The following TCF7L2 variants were observed in gnomAD, a reference collection of about 807,000 sequenced individuals.
TCF7L2 encodes the protein transcription factor 7 like 2.
In TCF7L2, 23 loss-of-function variants were observed where a neutral mutation model predicts 77.9. That is an observed-to-expected ratio of 0.30 (90% CI 0.21 to 0.42). The LOEUF (loss-of-function observed/expected upper bound fraction) is 0.42, where lower values mean the gene tolerates loss of function less well. Among genes scored for constraint, TCF7L2 ranks in the 10% least tolerant of loss-of-function variants. The probability of loss-of-function intolerance (pLI) is 1.00; values close to 1 mark genes in which losing one functional copy is unlikely to be tolerated. For synonymous variants in TCF7L2, 413 were observed against 340.2 expected, an observed-to-expected ratio of 1.21 and a Z score of -2.36; for missense variants, 654 against 793.1, an observed-to-expected ratio of 0.82 and a Z score of 2.11.
chr10:113,131,623 T>C (rs1162562410), intron 5 of TCF7L2, among the ~76,000 whole-genome samples: 1 of 152,184 alleles, frequency 6.6e-6, no homozygotes, highest in Non-Finnish European at 1.5e-5. Context: ...AAAACGTAAA[T>C]TCCCGACTCC....
intron 5 of TCF7L2, among the ~76,000 whole-genome samples, chr10:113,043,996 A>G (rs2052962878): frequency 6.6e-6 from 1 of 152,200 alleles, no homozygotes; most frequent in Admixed American, 6.5e-5. Context: ...TATGTATCTT[A>G]CAAAACGGCA....
chr10:113,126,590 TG>T lies in TCF7L2; in HGVS notation c.553-14593del, dbSNP rs1054433177. The T allele has an allele frequency of 4.1e-6, 4 of 984,974 alleles. No individual in the cohort carries two copies. In the African/African-American group the frequency reaches 7.0e-5, roughly 17 times the overall value. The allele number at this position is 984,974 out of a possible 1,614,324, so 61.0% of individuals were successfully genotyped here. A position where few individuals can be genotyped will look rare whatever the true frequency, so the allele number is the denominator to read the frequency against. ...TTTTTTTTAAACGCCCCCTCCCTTT[TG>T]TGGGGGGGTGGGTTGTTGTGGAATC... On this transcript the variant is annotated intron_variant, in intron 5 of 13. Coordinates refer to ENST00000627217, the MANE Select transcript of TCF7L2 (RefSeq NM_001146274.2).
intron 4 of TCF7L2, among the ~76,000 whole-genome samples, chr10:112,981,568 T>C (rs2040476007): frequency 6.6e-6 from 1 of 152,156 alleles, no homozygotes; most frequent in South Asian, 2.1e-4. Flanking sequence ...CCACCCTCTT[T>C]GGAATTTTTG....
rs1592551565 is a variant in TCF7L2, at chr10:113,165,685, A to G, written c.1522A>G (p.Lys508Glu). 1 of 1,456,830 alleles carries G rather than the reference A, an allele frequency of 6.9e-7. No individual in the cohort carries two copies. Among genetic ancestry groups the G allele is most frequent in the Non-Finnish European group, 9.1e-7 (1 of 1,095,960 alleles). 90.2% of individuals were successfully genotyped at this position (1,456,830 alleles called of 1,614,324 possible). A position where few individuals can be genotyped will look rare whatever the true frequency, so the allele number is the denominator to read the frequency against. Residue 508 changes from lysine (K) to glutamate (E), a missense_variant, in exon 14 of 14, where the codon AAG becomes GAG. Coordinates refer to ENST00000627217, the MANE Select transcript of TCF7L2 (RefSeq NM_001146274.2). ...GCTAGGCTCCCCTCCCCGAGACGCC[A>G]AGTCACAGACTGAGCAGACCCAGCC...
At chr10:113,066,033 C>A (rs1051966040) in intron 5 of TCF7L2, among the ~76,000 whole-genome samples, 1 of 152,136 alleles carries the variant, frequency 6.6e-6, no homozygotes, top group African/African-American at 2.4e-5. Flanking sequence ...GTTTGCAACA[C>A]CATGTTTTCT....
chr10:113,106,558 C>G (rs2062345898), intron 5 of TCF7L2, among the ~76,000 whole-genome samples: 1 of 151,928 alleles, frequency 6.6e-6, no homozygotes, highest in African/African-American at 2.4e-5. Context: ...CTCGGATGCC[C>G]CGGGTGTTGA....
At chr10:113,066,497 G>A (rs1034710922) in intron 5 of TCF7L2, among the ~76,000 whole-genome samples, 7 of 152,258 alleles carry the variant, frequency 4.6e-5, no homozygotes, top group Admixed American at 6.5e-5. Flanking sequence ...GAAACAATGC[G>A]AGTCTTCAAA....
intron 4 of TCF7L2, among the ~76,000 whole-genome samples, chr10:112,979,918 A>G (rs933428124): frequency 8.5e-5 from 13 of 152,376 alleles, no homozygotes; most frequent in African/African-American, 3.1e-4. Flanking sequence ...AAGCCCCAGC[A>G]CATTTAGCCC....
intron 5 of TCF7L2, among the ~76,000 whole-genome samples, chr10:113,083,219 A>G (rs2059483781): frequency 6.7e-6 from 1 of 150,356 alleles, no homozygotes; most frequent in African/African-American, 2.5e-5. Context: ...GACACTTGCC[A>G]TTCGTGACTC....
At chr10:113,033,099 T>TC (rs1564807254) in intron 4 of TCF7L2, among the ~76,000 whole-genome samples, 1 of 152,060 alleles carries the variant, frequency 6.6e-6, no homozygotes, top group Non-Finnish European at 1.5e-5. Flanking sequence ...TGGTTTTTTT[T>TC]CCCCCAAGTC....
At chr10:113,122,177 G>GT (rs1352450803) in intron 5 of TCF7L2, among the ~76,000 whole-genome samples, 1 of 152,060 alleles carries the variant, frequency 6.6e-6, no homozygotes, top group Non-Finnish European at 1.5e-5. Context: ...TGACATTCTA[G>GT]TTTATACATA....
chr10:113,007,353 C>G (rs1473002414), intron 4 of TCF7L2, among the ~76,000 whole-genome samples: 1 of 152,250 alleles, frequency 6.6e-6, no homozygotes, highest in Non-Finnish European at 1.5e-5. Flanking sequence ...CACCCCAGGC[C>G]TCTGGAGCTG....
At chr10:113,162,704 T>G (rs1051479171) in intron 13 of TCF7L2, among the ~76,000 whole-genome samples, 4 of 152,210 alleles carry the variant, frequency 2.6e-5, no homozygotes, top group Admixed American at 2.6e-4. Context: ...TGTTCAGACT[T>G]TCCCAGCAGA....
At chr10:112,990,756 C>T (rs1041609538) in intron 4 of TCF7L2, among the ~76,000 whole-genome samples, 3 of 152,070 alleles carry the variant, frequency 2.0e-5, no homozygotes, top group African/African-American at 7.2e-5. Flanking sequence ...GCTAGCCAAG[C>T]TGCTTATAGG....
chr10:112,971,805 G>T (rs1397990359), intron 4 of TCF7L2, among the ~76,000 whole-genome samples: 1 of 151,220 alleles, frequency 6.6e-6, no homozygotes, highest in South Asian at 2.1e-4. Context: ...TAGAGACGAG[G>T]TCTCACCATG....
chr10:113,120,753 T>C lies in TCF7L2; in HGVS notation c.553-20431T>C, dbSNP rs115531902. ...ATACCGATAGCGGAGTAGATTGTGGTGGATTAGATTATGGCCTACAAACCC... is the reference window on the plus strand; with the variant it reads ...ATACCGATAGCGGAGTAGATTGTGGCGGATTAGATTATGGCCTACAAACCC... On this transcript the variant is annotated intron_variant, in intron 5 of 13. Transcript: ENST00000627217. Among the ~76,000 whole-genome samples the C allele has an allele frequency of 6.1e-3, 922 of 152,200 alleles. 11 individuals carry two copies. Among genetic ancestry groups the C allele is most frequent in the African/African-American group, 0.02 (832 of 41,536 alleles).
At chr10:113,062,078 G>T (rs572041434) in intron 5 of TCF7L2, among the ~76,000 whole-genome samples, 2 of 152,266 alleles carry the variant, frequency 1.3e-5, no homozygotes, top group East Asian at 1.9e-4. Flanking sequence ...AGTGTGAGTT[G>T]TACACCATGA....
intron 5 of TCF7L2, among the ~76,000 whole-genome samples, chr10:113,079,345 C>CAG (rs2059076482): frequency 6.6e-6 from 1 of 152,186 alleles, no homozygotes. Flanking sequence ...GTTGATGTGG[C>CAG]CACACGGAGA....
At chr10:113,076,964 A>G (rs1052028794) in intron 5 of TCF7L2, among the ~76,000 whole-genome samples, 2 of 152,208 alleles carry the variant, frequency 1.3e-5, no homozygotes, top group Non-Finnish European at 2.9e-5. Context: ...TCAGTAATCC[A>G]CCTGCCATTT....
Sources: allele counts gnomAD v4.1 joint callset (sites outside exome capture counted in the v4.1 genomes callset), GRCh38; gene constraint gnomAD v4.1.1; transcripts MANE v1.5; gene names NCBI Gene and HGNC (gene_info 2026-07-23, HGNC 2026-07-21).